MIER1: variants seen among roughly 807,000 people sequenced by gnomAD.
MIER1 encodes MIER1 transcriptional regulator, also known as mesoderm induction early response protein 1.
A neutral mutation model predicts 75.7 loss-of-function variants in MIER1; 40 were observed. That is an observed-to-expected ratio of 0.53 (90% CI 0.41 to 0.69). The LOEUF (loss-of-function observed/expected upper bound fraction) is 0.69, where lower values mean the gene tolerates loss of function less well. Among genes scored for constraint, MIER1 ranks in the 30% least tolerant of loss-of-function variants. MIER1 has a pLI of 0.00. For missense variants in MIER1, 574 were observed against 680.2 expected (o/e 0.84, Z 1.74); for synonymous variants, 213 against 223.4 (o/e 0.95, Z 0.42).
At chr1:66,963,815 G>C (rs888512331) in intron 8 of MIER1, among the ~76,000 whole-genome samples, 1 of 151,964 alleles carries the variant, frequency 6.6e-6, no homozygotes, top group South Asian at 2.1e-4. Flanking sequence ...GGCTGAGTCA[G>C]GAGAATCACT....
chr1:66,947,580 T>C (rs1040334625), intron 4 of MIER1: 3 of 152,234 alleles, frequency 2.0e-5, no homozygotes, highest in Non-Finnish European at 4.4e-5. Flanking sequence ...TACCATTCTT[T>C]CTAGCCTAGG....
intron 12 of MIER1, among the ~76,000 whole-genome samples, chr1:66,977,466 C>T (rs1664955443): frequency 3.3e-5 from 5 of 152,116 alleles, no homozygotes; most frequent in Admixed American, 3.3e-4. Flanking sequence ...CTTTTCCTAG[C>T]TTTCCTGAAT....
intron 4 of MIER1, among the ~76,000 whole-genome samples, chr1:66,948,737 T>G (rs564489347): frequency 1.3e-5 from 2 of 151,998 alleles, no homozygotes; most frequent in African/African-American, 4.8e-5. Flanking sequence ...CTGCAAAAAA[T>G]TTTTTAAAAA....
intron 3 of MIER1, 66 bp downstream of exon 3, chr1:66,940,118 G>T: frequency 8.5e-7 from 1 of 1,178,678 alleles, no homozygotes; most frequent in African/African-American, 1.5e-5. Context: ...GTTGCATAAA[G>T]ACTAGAGGAG....
Position 66,987,575 on chromosome 1 carries a change from T to C in MIER1, c.*2675T>C, listed in dbSNP as rs1666937118. The C allele has an allele frequency of 6.6e-6, 1 of 152,650 alleles. No individual in the cohort carries two copies. The highest frequency in any genetic ancestry group is 1.5e-5 in the Non-Finnish European group (1 of 68,000). 9.5% of individuals were successfully genotyped at this position (152,650 alleles called of 1,614,324 possible). ...AATTTCAAATTAGATGTTAAATTTA[T>C]GCATAGTAATTTTGCACTGTAAAAT... is the stretch of plus-strand genomic sequence containing the variant. On this transcript the variant is annotated 3_prime_UTR_variant, in exon 14 of 14. Transcript: ENST00000401041.
chr1:66,953,001 C>G (rs1016507650), intron 4 of MIER1, among the ~76,000 whole-genome samples: 1 of 152,178 alleles, frequency 6.6e-6, no homozygotes, highest in Admixed American at 6.5e-5. Flanking sequence ...AGGTCTCCCA[C>G]ATTTACTACT....
At chr1:66,952,216 CTG>C (rs919607850) in intron 4 of MIER1, among the ~76,000 whole-genome samples, 2 of 152,166 alleles carry the variant, frequency 1.3e-5, no homozygotes, top group African/African-American at 4.8e-5. Flanking sequence ...GAATAAAACA[CTG>C]TGCCACTTTA....
chr1:66,970,373 T>A, intron 8 of MIER1, among the ~76,000 whole-genome samples: 1 of 152,194 alleles, frequency 6.6e-6, no homozygotes, highest in East Asian at 1.9e-4. Flanking sequence ...AAAATAATAG[T>A]TACAGTTACA....
Position 66,986,565 on chromosome 1 carries a change from A to T in MIER1, c.*1665A>T. On this transcript the variant is annotated 3_prime_UTR_variant, in exon 14 of 14. Transcript: ENST00000401041. ...AAATTAGCATTCAGGCCTTACCCCC[A>T]TGAAGTATTACTGTTAACATATGTT... is the stretch of plus-strand genomic sequence containing the variant. 1 of 973,058 alleles carries T rather than the reference A, an allele frequency of 1.0e-6. No homozygotes were observed. Among genetic ancestry groups the T allele is most frequent in the Non-Finnish European group, 1.6e-6 (1 of 608,036 alleles). The allele number at this position is 973,058 out of a possible 1,614,324, so 60.3% of individuals were successfully genotyped here. A position where few individuals can be genotyped will look rare whatever the true frequency, so the allele number is the denominator to read the frequency against.
At chr1:66,931,236 C>T (rs1329880340) in intron 2 of MIER1, among the ~76,000 whole-genome samples, 5 of 152,156 alleles carry the variant, frequency 3.3e-5, no homozygotes, top group African/African-American at 1.2e-4. Flanking sequence ...CATACAACTG[C>T]TGTTGATTTA....
intron 11 of MIER1, among the ~76,000 whole-genome samples, chr1:66,975,665 G>C (rs1664565880): frequency 6.6e-6 from 1 of 152,140 alleles, no homozygotes; most frequent in African/African-American, 2.4e-5. Flanking sequence ...AATTCTGTCA[G>C]CATCATTTAA....
intron 8 of MIER1, among the ~76,000 whole-genome samples, chr1:66,965,217 A>G (rs1296152230): frequency 6.6e-6 from 1 of 152,100 alleles, no homozygotes; most frequent in African/African-American, 2.4e-5. Context: ...TTTTGTATTT[A>G]TTTTTGTAAT....
chr1:66,974,146 TTAGTTCA>T (rs1214944553), intron 11 of MIER1, among the ~76,000 whole-genome samples: 1 of 152,114 alleles, frequency 6.6e-6, no homozygotes, highest in Non-Finnish European at 1.5e-5. Context: ...CCACTCCCAA[TTAGTTCA>T]TTCTTAATTA....
At chr1:66,965,751 G>C (rs1662252141) in intron 8 of MIER1, among the ~76,000 whole-genome samples, 1 of 152,074 alleles carries the variant, frequency 6.6e-6, no homozygotes, top group African/African-American at 2.4e-5. Context: ...ACTATTAGGG[G>C]TTACTCATTC....
intron 8 of MIER1, among the ~76,000 whole-genome samples, chr1:66,966,875 A>G (rs1046753991): frequency 1.3e-5 from 2 of 152,138 alleles, no homozygotes; most frequent in African/African-American, 2.4e-5. Context: ...ACTTTTTTCA[A>G]TAGAGTTGTT....
chr1:66,957,083 A>G (rs1007197715), intron 4 of MIER1, among the ~76,000 whole-genome samples: 4 of 151,952 alleles, frequency 2.6e-5, no homozygotes, highest in Admixed American at 6.6e-5. Context: ...GACCATGTGC[A>G]TTGTATGTGG....
rs180917111 is a variant in MIER1 at position 66,928,960 on chromosome 1, C to T, written c.168+2718C>T. Reference sequence around the variant, plus strand: ...TGTGGACTCTTTTCCTGTCAAATTACCAGGTAATGTCCTTTCACTTAGCAG... The same window carrying T: ...TGTGGACTCTTTTCCTGTCAAATTATCAGGTAATGTCCTTTCACTTAGCAG... On this transcript the variant is annotated intron_variant, in intron 2 of 13. Transcript: ENST00000401041. 1.4e-4 allele frequency: 225 copies of T among 1,595,004 alleles called. 1 individual carries two copies. Among genetic ancestry groups the T allele is most frequent in the Middle Eastern group, 1.2e-3 (7 of 6,014 alleles).
intron 3 of MIER1, among the ~76,000 whole-genome samples, chr1:66,941,130 T>G (rs1656104252): frequency 6.6e-6 from 1 of 152,176 alleles, no homozygotes; most frequent in African/African-American, 2.4e-5. Flanking sequence ...CAAGGTCCTT[T>G]CTATGAACAT....
At chr1:66,939,618 C>G (rs1655699549) in intron 2 of MIER1, among the ~76,000 whole-genome samples, 1 of 152,040 alleles carries the variant, frequency 6.6e-6, no homozygotes, top group African/African-American at 2.4e-5. Flanking sequence ...CCATCTTACA[C>G]TCACTTTTTT....
Sources: allele counts gnomAD v4.1 joint callset (sites outside exome capture counted in the v4.1 genomes callset), GRCh38; gene constraint gnomAD v4.1.1; transcripts MANE v1.5; gene names NCBI Gene and HGNC (gene_info 2026-07-23, HGNC 2026-07-21).